Variants in SLC25A12 observed in about 807,000 individuals in gnomAD.
SLC25A12 encodes electrogenic aspartate/glutamate antiporter SLC25A12, mitochondrial.
A neutral mutation model predicts 83.3 loss-of-function variants in SLC25A12; 32 were observed. That is an observed-to-expected ratio of 0.38 (90% confidence interval 0.29 to 0.52). The LOEUF (loss-of-function observed/expected upper bound fraction) is 0.52, where lower values mean the gene tolerates loss of function less well. Ranked by LOEUF, SLC25A12 falls within the 20% of genes least tolerant of loss-of-function variation. The pLI is 0.84. For missense variants in SLC25A12, 611 were observed against 835.6 expected (o/e 0.73, Z 3.31); for synonymous variants, 267 against 291.1 (o/e 0.92, Z 0.84).
chr2:171,845,743 T>C (rs1684783419), intron 4 of SLC25A12: 2 of 449,146 alleles, frequency 4.5e-6, no homozygotes, highest in Non-Finnish European at 4.5e-6. Context: ...AGAGTCAATA[T>C]AATAGCTCTG....
intron 13 of SLC25A12, among the ~76,000 whole-genome samples, chr2:171,805,323 CT>C (rs1322858806): frequency 6.6e-6 from 1 of 152,136 alleles, no homozygotes; most frequent in Non-Finnish European, 1.5e-5. Flanking sequence ...GTTGGCCAGG[CT>C]GGTCTCGAAC....
At chr2:171,817,358 T>C (rs1416388294) in intron 9 of SLC25A12, among the ~76,000 whole-genome samples, 2 of 152,064 alleles carry the variant, frequency 1.3e-5, no homozygotes, top group East Asian at 1.9e-4. Context: ...TCTGAGCATT[T>C]TGGGAGGCCA....
At chr2:171,888,248 C>T (rs1263473142) in intron 2 of SLC25A12, among the ~76,000 whole-genome samples, 3 of 151,608 alleles carry the variant, frequency 2.0e-5, no homozygotes, top group African/African-American at 7.3e-5. Flanking sequence ...GCATGTACCA[C>T]CGCACCCAGC....
intron 15 of SLC25A12, 102 bp from the exon 16 acceptor site, chr2:171,788,049 G>A (rs1032944675): frequency 7.4e-5 from 90 of 1,214,598 alleles, no homozygotes; most frequent in Non-Finnish European, 9.0e-5. Flanking sequence ...CCACTTGAGC[G>A]GAACTCAAAA....
intron 2 of SLC25A12, among the ~76,000 whole-genome samples, chr2:171,891,576 T>C (rs1685940319): frequency 1.3e-5 from 2 of 152,214 alleles, no homozygotes; most frequent in Admixed American, 1.3e-4. Flanking sequence ...TAACTCCGTA[T>C]TCCTAGGCAG....
chr2:171,833,755 C>G (rs908671), intron 8 of SLC25A12, among the ~76,000 whole-genome samples: 40,674 of 151,664 alleles, frequency 0.27, 5,580 homozygotes, highest in African/African-American at 0.3. Context: ...TCCCCTCCCT[C>G]CATCTTCTTC....
rs1558903239 is a variant in SLC25A12, at chr2:171,783,465, A to G, written c.*1809T>C. Reference sequence around the variant, plus strand: ...AAGATATCCAAAACACATTAAGTGAACAAAAGCAAGACACAGAATAACACA... The same window carrying G: ...AAGATATCCAAAACACATTAAGTGAGCAAAAGCAAGACACAGAATAACACA... On this transcript the variant is annotated 3_prime_UTR_variant, in exon 18 of 18. Coordinates refer to ENST00000422440, the MANE Select transcript of SLC25A12 (RefSeq NM_003705.5). 6.6e-6 allele frequency among the ~76,000 whole-genome samples: 1 copy of G among 152,258 alleles called. No individual in the cohort carries two copies. The highest frequency in any genetic ancestry group is 1.5e-5 in the Non-Finnish European group (1 of 68,042).
At chr2:171,850,812 A>C (rs1042586818) in intron 4 of SLC25A12, among the ~76,000 whole-genome samples, 2 of 152,354 alleles carry the variant, frequency 1.3e-5, no homozygotes, top group Admixed American at 6.5e-5. Flanking sequence ...CCAGTGAGAA[A>C]GGGTACATTT....
intron 10 of SLC25A12, among the ~76,000 whole-genome samples, 175 bp downstream of exon 10, chr2:171,814,946 T>G (rs928930497): frequency 6.6e-6 from 1 of 152,198 alleles, no homozygotes; most frequent in Non-Finnish European, 1.5e-5. Flanking sequence ...CAGATGGTCA[T>G]AGCCATTGCT....
intron 2 of SLC25A12, among the ~76,000 whole-genome samples, chr2:171,869,283 C>CT (rs1432066554): frequency 6.6e-6 from 1 of 152,084 alleles, no homozygotes; most frequent in Non-Finnish European, 1.5e-5. Flanking sequence ...GGTAAATATA[C>CT]TTTTTTAAAA....
chr2:171,839,922 CT>C lies in SLC25A12; in HGVS notation c.466-2656del, dbSNP rs1365633940. Among the ~76,000 whole-genome samples the C allele has an allele frequency of 4.6e-5, 7 of 152,292 alleles. No homozygotes were observed. In the East Asian group the frequency reaches 1.4e-3, roughly 29 times the overall value. Reference sequence around the variant, plus strand: ...CCTTACTCCAAATAAGGCCTCCACCCTTTCCCAACCTTGGCAGAAGACTAGA... The same window carrying C: ...CCTTACTCCAAATAAGGCCTCCACCCTTCCCAACCTTGGCAGAAGACTAGA... On this transcript the variant is annotated intron_variant, in intron 5 of 17. Coordinates refer to ENST00000422440, the MANE Select transcript of SLC25A12 (RefSeq NM_003705.5).
chr2:171,833,922 A>C, intron 8 of SLC25A12, 41 bp downstream of exon 8: 1 of 1,185,402 alleles, frequency 8.4e-7, no homozygotes, highest in Non-Finnish European at 1.3e-6. Flanking sequence ...TTTTAGAACT[A>C]CTCTATAATA....
At chr2:171,887,513 G>A (rs1009804933) in intron 2 of SLC25A12, among the ~76,000 whole-genome samples, 6 of 152,156 alleles carry the variant, frequency 3.9e-5, no homozygotes, top group Non-Finnish European at 7.4e-5. Flanking sequence ...AAATGTTTTT[G>A]ATAAATCTAC....
At chr2:171,830,441 C>CT (rs1292770308) in intron 8 of SLC25A12, among the ~76,000 whole-genome samples, 1 of 152,080 alleles carries the variant, frequency 6.6e-6, no homozygotes, top group Non-Finnish European at 1.5e-5. Flanking sequence ...TCAATATACT[C>CT]TCTCAATGTT....
chr2:171,821,983 A>G (rs1249429638), intron 9 of SLC25A12, among the ~76,000 whole-genome samples: 1 of 152,194 alleles, frequency 6.6e-6, no homozygotes, highest in Non-Finnish European at 1.5e-5. Context: ...ACTTTTGTGT[A>G]TGGTATGGGG....
At position 171,815,122 on chromosome 2, in the gene SLC25A12, T is replaced by G. The variant is rs1361437719; in HGVS notation, c.1011A>C (p.Gly337=). 5 of 1,612,692 alleles carry G rather than the reference T, an allele frequency of 3.1e-6. No homozygotes were observed. Among genetic ancestry groups the G allele is most frequent in the South Asian group, 1.1e-5 (1 of 91,036 alleles). ...ACAGCACACAGACATGTCACTCACC[T>G]CCAGCAACTGAGCCCAGAGTGAATC... ...AYRFTLGSVA[G]AVGATAVYPI... The change falls in exon 10 of 18, where the codon GGA becomes GGC. Residue 337 remains glycine, a splice_region_variant and synonymous_variant. Transcript: ENST00000422440.
At chr2:171,870,419 C>T (rs1685433992) in intron 2 of SLC25A12, among the ~76,000 whole-genome samples, 1 of 151,866 alleles carries the variant, frequency 6.6e-6, no homozygotes, top group Non-Finnish European at 1.5e-5. Context: ...CCCAGGAGTT[C>T]AAGACCAGCC....
intron 2 of SLC25A12, among the ~76,000 whole-genome samples, chr2:171,880,153 A>G (rs1343987172): frequency 6.6e-6 from 1 of 152,236 alleles, no homozygotes; most frequent in Non-Finnish European, 1.5e-5. Flanking sequence ...AAGGTTAGCC[A>G]TGATAATTGG....
Position 171,890,477 on chromosome 2 carries a change from CTGTG to C in SLC25A12, c.66+2724_66+2727del, listed in dbSNP as rs34728188. Among the ~76,000 whole-genome samples, 70 of 149,138 alleles carry C rather than the reference CTGTG, an allele frequency of 4.7e-4. 1 individual carries two copies. Among genetic ancestry groups the C allele is most frequent in the South Asian group, 1.5e-3 (7 of 4,682 alleles). On this transcript the variant is annotated intron_variant, in intron 2 of 17. Coordinates refer to ENST00000422440, the MANE Select transcript of SLC25A12 (RefSeq NM_003705.5). ...ACTAGCAATACTGTATCGTGTGTGT[CTGTG>C]TGTGTGTGTGTGTGTGTGTGTAACA...
Sources: allele counts gnomAD v4.1 joint callset (sites outside exome capture counted in the v4.1 genomes callset), GRCh38; gene constraint gnomAD v4.1.1; transcripts MANE v1.5; gene names NCBI Gene and HGNC (gene_info 2026-07-23, HGNC 2026-07-21).